The following PTPN14 variants were observed in gnomAD, a reference collection of about 807,000 sequenced individuals.
PTPN14 encodes the protein tyrosine-protein phosphatase non-receptor type 14.
Under a neutral mutation model 126.8 loss-of-function variants are expected in PTPN14, and 53 were observed. The observed-to-expected ratio is 0.42, with a 90% CI of 0.34 to 0.53. The LOEUF (loss-of-function observed/expected upper bound fraction) is 0.53, where lower values mean the gene tolerates loss of function less well. PTPN14 is among the 20% of genes least tolerant of loss of function. PTPN14 has a pLI of 0.08. For synonymous variants in PTPN14, 630 were observed against 599.3 expected, an observed-to-expected ratio of 1.05 and a Z score of -0.75; for missense variants, 1,257 against 1,552.9, an observed-to-expected ratio of 0.81 and a Z score of 3.20.
chr1:214,406,255 A>T (rs1316323580), intron 5 of PTPN14, among the ~76,000 whole-genome samples: 1 of 152,180 alleles, frequency 6.6e-6, no homozygotes, highest in Non-Finnish European at 1.5e-5. Flanking sequence ...AGGAGGGAAG[A>T]TCACTTGAGG....
intron 1 of PTPN14, among the ~76,000 whole-genome samples, chr1:214,465,951 C>CTTTTTTTTGTTTTTTTTTTTTT: frequency 1.7e-5 from 1 of 59,024 alleles, no homozygotes; most frequent in Non-Finnish European, 2.9e-5. Context: ...CAGTTACTTC[C>CTTTTTTTTGTTTTTTTTTTTTT]TTTTTTTTTT....
intron 5 of PTPN14, 74 bp from the exon 6 acceptor site, chr1:214,403,027 T>C: frequency 6.9e-7 from 1 of 1,441,540 alleles, no homozygotes; most frequent in Admixed American, 1.7e-5. Flanking sequence ...ATCTTAAAGC[T>C]CCCTTCCTCA....
At chr1:214,488,041 A>G (rs1162036227) in intron 1 of PTPN14, among the ~76,000 whole-genome samples, 1 of 152,222 alleles carries the variant, frequency 6.6e-6, no homozygotes, top group Non-Finnish European at 1.5e-5. Flanking sequence ...CATTCAGCCC[A>G]AAGACCTTAC....
At chr1:214,482,130 C>T (rs1291225746) in intron 1 of PTPN14, among the ~76,000 whole-genome samples, 3 of 151,750 alleles carry the variant, frequency 2.0e-5, no homozygotes, top group Admixed American at 1.3e-4. Flanking sequence ...AAATTAGAAC[C>T]TGTAGGTGAT....
intron 1 of PTPN14, among the ~76,000 whole-genome samples, chr1:214,538,189 T>C (rs114786814): frequency 0.02 from 2,982 of 152,208 alleles, 81 homozygotes; most frequent in African/African-American, 0.068. Context: ...AGCTGGTGGA[T>C]AGACAAAAGG....
At chr1:214,397,788 T>G in intron 8 of PTPN14, 125 bp downstream of exon 8, 80 of 737,654 alleles carry the variant, frequency 1.1e-4, no homozygotes, top group East Asian at 2.0e-4. Context: ...TCACCTTATA[T>G]GAGCTGAGAG....
In PTPN14 at chr1:214,352,452, A is replaced by G. The variant is rs1400207358; in HGVS notation, c.*5470T>C. On this transcript the variant is annotated 3_prime_UTR_variant, in exon 19 of 19. Transcript: ENST00000366956. ...GGTCAAGTTTCACAGGGCCCCCTGA[A>G]TAACACTGACTTCTGGACAACACAT... 1 of 152,234 alleles carries G rather than the reference A, an allele frequency of 6.6e-6. No homozygotes were observed. Among genetic ancestry groups the G allele is most frequent in the Non-Finnish European group, 1.5e-5 (1 of 68,048 alleles). 9.4% of individuals were successfully genotyped at this position (152,234 alleles called of 1,614,324 possible).
chr1:214,432,743 A>T (rs974154358), intron 3 of PTPN14, among the ~76,000 whole-genome samples: 36 of 152,264 alleles, frequency 2.4e-4, no homozygotes, highest in African/African-American at 6.7e-4. Flanking sequence ...GTTTTTTTTT[A>T]AAAGAAAAGC....
intron 1 of PTPN14, among the ~76,000 whole-genome samples, chr1:214,512,968 A>G (rs1012687023): frequency 2.0e-5 from 3 of 152,220 alleles, no homozygotes; most frequent in African/African-American, 4.8e-5. Context: ...CTGAGATTAC[A>G]GGCATGAGCT....
chr1:214,497,681 C>T (rs1303804664), intron 1 of PTPN14, among the ~76,000 whole-genome samples: 1 of 152,178 alleles, frequency 6.6e-6, no homozygotes, highest in African/African-American at 2.4e-5. Flanking sequence ...AGACAGGCAG[C>T]TTACCATATA....
chr1:214,357,841 G>A lies in PTPN14; in HGVS notation c.*81C>T, dbSNP rs1657859564. 1.5e-6 allele frequency: 2 copies of A among 1,357,180 alleles called. No individual in the cohort carries two copies. Among genetic ancestry groups the A allele is most frequent in the Admixed American group, 3.7e-5 (2 of 54,114 alleles). The allele number at this position is 1,357,180 out of a possible 1,614,324, so 84.1% of individuals were successfully genotyped here. A position where few individuals can be genotyped will look rare whatever the true frequency, so the allele number is the denominator to read the frequency against. On this transcript the variant is annotated 3_prime_UTR_variant, in exon 19 of 19. Coordinates refer to ENST00000366956, the MANE Select transcript of PTPN14 (RefSeq NM_005401.5). The stretch of plus-strand genomic sequence containing the variant: ...CTGCCAGCCACCTGCACCCCTGTGG[G>A]GGGAGCAGATGTTGTCTGGAGGTGA...
At chr1:214,472,816 T>G (rs1660789193) in intron 1 of PTPN14, among the ~76,000 whole-genome samples, 1 of 152,222 alleles carries the variant, frequency 6.6e-6, no homozygotes, top group Admixed American at 6.5e-5. Flanking sequence ...TGATCTGTCT[T>G]ATACTGGGGG....
intron 10 of PTPN14, among the ~76,000 whole-genome samples, chr1:214,391,972 C>A (rs1392899954): frequency 6.6e-6 from 1 of 152,158 alleles, no homozygotes; most frequent in Admixed American, 6.5e-5. Flanking sequence ...TTGAGCTATA[C>A]CTCCAGATGA....
At chr1:214,426,032 C>CAAAAAAAAAA (rs66656875) in intron 3 of PTPN14, among the ~76,000 whole-genome samples, 17 of 33,854 alleles carry the variant, frequency 5.0e-4, no homozygotes, top group East Asian at 1.5e-3. Flanking sequence ...GCATAAATCG[C>CAAAAAAAAAA]AAAAAAAAAA....
In PTPN14 at chr1:214,436,165, T is replaced by A. The variant is rs560820682; in HGVS notation, c.344+15640A>T. On this transcript the variant is annotated intron_variant, in intron 3 of 18. Transcript: ENST00000366956. ...GGAACAGAAAACCAAATACCGCATG[T>A]TCTCACTTTTAAGTGGGAGCTAAAC... Among the ~76,000 whole-genome samples the A allele has an allele frequency of 6.6e-5, 10 of 152,262 alleles. No individual in the cohort carries two copies. In the South Asian group the frequency reaches 1.9e-3, roughly 28 times the overall value.
chr1:214,390,100 T>C (rs571957615), intron 11 of PTPN14, among the ~76,000 whole-genome samples: 1 of 152,318 alleles, frequency 6.6e-6, no homozygotes, highest in African/African-American at 2.4e-5. Flanking sequence ...ATACACTGAA[T>C]ATGAAGAAAA....
chr1:214,389,534 TACTC>T (rs1223693535), intron 11 of PTPN14, among the ~76,000 whole-genome samples: 2 of 152,194 alleles, frequency 1.3e-5, no homozygotes, highest in Non-Finnish European at 2.9e-5. Flanking sequence ...TATTTGGTCT[TACTC>T]ACTCATTGTA....
rs112345586 is a variant in PTPN14, at chr1:214,372,147, T to G, written c.3036+564A>C. The G allele has an allele frequency of 9.9e-3, 1,531 of 154,374 alleles. 24 individuals carry two copies. Among genetic ancestry groups the G allele is most frequent in the African/African-American group, 0.035 (1,459 of 41,562 alleles). The allele number at this position is 154,374 out of a possible 1,614,324, so 9.6% of individuals were successfully genotyped here. On this transcript the variant is annotated intron_variant, in intron 16 of 18. Coordinates refer to ENST00000366956, the MANE Select transcript of PTPN14 (RefSeq NM_005401.5). ...TAGGCTGGTTTTTTATAACATCACATAGAGTTCTCTAGTTACAGCAGAAAA... is the reference window on the plus strand; with the variant it reads ...TAGGCTGGTTTTTTATAACATCACAGAGAGTTCTCTAGTTACAGCAGAAAA...
In PTPN14 at chr1:214,384,268, C is replaced by T; in HGVS notation, c.1587G>A (p.Gly529=). The change falls in exon 13 of 19, where the codon GGG becomes GGA. Residue 529 remains glycine, a synonymous_variant. Transcript: ENST00000366956. This position sits in a 1 kb window ranked among gnomAD's most constrained non-coding sequence, Gnocchi z 5.3. ...TCACCGTGTGCGAGATGGCGCTTGC[C>T]CCCGGCTTGCTTGGTACCACATTAT... The part of the protein sequence containing the change: ...PKNNVVPSKP[G]ASAISHTVST... 2.5e-6 allele frequency: 4 copies of T among 1,614,116 alleles called. No individual in the cohort carries two copies. Among genetic ancestry groups the T allele is most frequent in the South Asian group, 1.1e-5 (1 of 91,080 alleles).
Sources: gnomAD v4.1 joint callset for allele counts (sites outside exome capture counted in the v4.1 genomes callset) on GRCh38, gnomAD v4.1.1 for gene constraint, Gnocchi (gnomAD v3.1) non-coding constraint, MANE v1.5 for transcripts, NCBI Gene and HGNC (gene_info 2026-07-23, HGNC 2026-07-21) for gene names.